TENM4: variants seen among roughly 807,000 people sequenced by gnomAD.
TENM4 encodes teneurin-4.
A neutral mutation model predicts 243.3 loss-of-function variants in TENM4; 82 were observed. The observed-to-expected ratio is 0.34, with a 90% CI of 0.28 to 0.40. The LOEUF is 0.40. Among genes scored for constraint, TENM4 ranks in the 10% least tolerant of loss-of-function variants. The pLI is 1.00. For synonymous variants in TENM4, 1,412 were observed against 1,456.3 expected, an observed-to-expected ratio of 0.97 and a Z score of 0.69; for missense variants, 3,138 against 3,673.3, an observed-to-expected ratio of 0.85 and a Z score of 3.77.
intron 4 of TENM4, among the ~76,000 whole-genome samples, chr11:79,098,577 G>A (rs1861145223): frequency 6.6e-6 from 1 of 152,222 alleles, no homozygotes; most frequent in Admixed American, 6.5e-5. Context: ...TTGCTCCCAT[G>A]ACTCGAGTAA....
intron 1 of TENM4, among the ~76,000 whole-genome samples, chr11:79,298,766 TCTAAGGCC>T (rs1856501998): frequency 6.6e-6 from 1 of 152,164 alleles, no homozygotes; most frequent in Non-Finnish European, 1.5e-5. Flanking sequence ...CGGCGAGCCG[TCTAAGGCC>T]TGATGCTGTA....
chr11:79,158,593 T>C (rs1033185289), intron 3 of TENM4, among the ~76,000 whole-genome samples: 1 of 152,330 alleles, frequency 6.6e-6, no homozygotes, highest in Middle Eastern at 3.4e-3. Flanking sequence ...CATGAAGGAA[T>C]GGGGAAGGTG....
At chr11:79,252,346 T>G (rs1392047859) in intron 2 of TENM4, among the ~76,000 whole-genome samples, 2 of 152,244 alleles carry the variant, frequency 1.3e-5, no homozygotes, top group Non-Finnish European at 2.9e-5. Flanking sequence ...GCCATTCTCC[T>G]GCTTCAGCCT....
intron 1 of TENM4, among the ~76,000 whole-genome samples, chr11:79,368,485 G>A (rs1454309277): frequency 6.6e-6 from 1 of 152,224 alleles, no homozygotes; most frequent in Non-Finnish European, 1.5e-5. Context: ...ATTTATATCA[G>A]TATGAGATGG....
At chr11:79,349,953 G>C (rs147927609) in intron 1 of TENM4, among the ~76,000 whole-genome samples, 1 of 152,250 alleles carries the variant, frequency 6.6e-6, no homozygotes, top group South Asian at 2.1e-4. Flanking sequence ...ACCGGAGGAC[G>C]AGGAGAGTGC....
At chr11:78,818,565 T>C (rs1161618760) in intron 12 of TENM4, among the ~76,000 whole-genome samples, 1 of 152,258 alleles carries the variant, frequency 6.6e-6, no homozygotes, top group Non-Finnish European at 1.5e-5. Context: ...TGCTTATGTA[T>C]ATATTTTTCT....
chr11:78,718,711 T>C (rs1262608325), intron 25 of TENM4, among the ~76,000 whole-genome samples: 2 of 152,196 alleles, frequency 1.3e-5, no homozygotes, highest in African/African-American at 4.8e-5. Flanking sequence ...TTCAGTATCA[T>C]CCATACAAAT....
chr11:78,797,059 C>T (rs946585665), intron 15 of TENM4, among the ~76,000 whole-genome samples: 1 of 152,240 alleles, frequency 6.6e-6, no homozygotes, highest in African/African-American at 2.4e-5. Flanking sequence ...CTATCCAAAA[C>T]CTGATACCTG....
At chr11:78,942,136 G>T (rs370147934) in intron 6 of TENM4, among the ~76,000 whole-genome samples, 1 of 150,622 alleles carries the variant, frequency 6.6e-6, no homozygotes, top group African/African-American at 2.4e-5. Context: ...ATCACTTCTG[G>T]GTGTGGTGGC....
rs1225022992 is a variant in TENM4 at position 78,657,826 on chromosome 11, A to G, written c.*232T>C. On this transcript the variant is annotated 3_prime_UTR_variant, in exon 34 of 34. Transcript: ENST00000278550. Reference sequence around the variant, plus strand: ...GGGAACAAAAGACAATAAAGTTTTCATTGTGATCACACTACAGAAAAAAAT... The same window carrying G: ...GGGAACAAAAGACAATAAAGTTTTCGTTGTGATCACACTACAGAAAAAAAT... The G allele has an allele frequency of 2.9e-5, 18 of 626,624 alleles. No homozygotes were observed. In the East Asian group the frequency reaches 5.1e-4, roughly 18 times the overall value. The allele number at this position is 626,624 out of a possible 1,614,324, so 38.8% of individuals were successfully genotyped here. A position where few individuals can be genotyped will look rare whatever the true frequency, so the allele number is the denominator to read the frequency against.
chr11:79,430,962 GA>G, intron 1 of TENM4, among the ~76,000 whole-genome samples: 1 of 152,340 alleles, frequency 6.6e-6, no homozygotes, highest in African/African-American at 2.4e-5. Context: ...AGAAAAAACA[GA>G]TTAGGAGCAG....
At chr11:78,723,064 C>G (rs1291871379) in intron 23 of TENM4, 147 bp from the exon 24 acceptor site, 3 of 1,106,080 alleles carry the variant, frequency 2.7e-6, no homozygotes, top group Non-Finnish European at 3.8e-6. Context: ...TTGCCTCACC[C>G]CCCCAATGGA....
intron 2 of TENM4, among the ~76,000 whole-genome samples, chr11:79,272,155 A>G (rs770486318): frequency 3.3e-5 from 5 of 152,112 alleles, no homozygotes; most frequent in Non-Finnish European, 7.4e-5. Flanking sequence ...GAGGGACTCA[A>G]CCAGTCCTGG....
chr11:78,796,225 GGA>G lies in TENM4; in HGVS notation c.2179+9065_2179+9066del, dbSNP rs1487765110. ...TAAGCCACTGCTATTCCTCTTAATT[GGA>G]GAGTATCTGGCTTCCTGATTAGAGG... is the stretch of plus-strand genomic sequence containing the variant. On this transcript the variant is annotated intron_variant, in intron 15 of 33. Coordinates refer to ENST00000278550, the MANE Select transcript of TENM4 (RefSeq NM_001098816.3). 7.9e-5 allele frequency among the ~76,000 whole-genome samples: 12 copies of G among 152,236 alleles called. No individual in the cohort carries two copies. The East Asian group carries it at 2.3e-3, about 29-fold the overall frequency.
intron 7 of TENM4, among the ~76,000 whole-genome samples, chr11:78,902,944 C>G (rs1855964786): frequency 6.6e-6 from 1 of 152,222 alleles, no homozygotes; most frequent in South Asian, 2.1e-4. Context: ...TAGCTCTCAT[C>G]TCCTTTAACA....
At chr11:79,174,449 G>T (rs1863116209) in intron 3 of TENM4, among the ~76,000 whole-genome samples, 1 of 151,964 alleles carries the variant, frequency 6.6e-6, no homozygotes, top group Non-Finnish European at 1.5e-5. Context: ...GATTTAAAAT[G>T]AAAAAATCGA....
In TENM4 at chr11:79,279,143, G is replaced by A. The variant is rs75793805; in HGVS notation, c.-265+18345C>T. 3.4e-3 allele frequency among the ~76,000 whole-genome samples: 522 copies of A among 152,286 alleles called. 20 individuals are homozygous for A. In the East Asian group the frequency reaches 0.092, roughly 27 times the overall value. On this transcript the variant is annotated intron_variant, in intron 2 of 33. Coordinates refer to ENST00000278550, the MANE Select transcript of TENM4 (RefSeq NM_001098816.3). ...TACAAGCTGAAAGTTTACCACATTA[G>A]GGACTCCTTGGCTGAGCACCAGCTG...
chr11:79,188,245 G>T (rs550844437), intron 3 of TENM4, among the ~76,000 whole-genome samples: 3 of 152,188 alleles, frequency 2.0e-5, no homozygotes, highest in Non-Finnish European at 4.4e-5. Context: ...ACAAGAAACC[G>T]AAGACTAGGA....
At chr11:78,852,471 G>A (rs1453073894) in intron 12 of TENM4, among the ~76,000 whole-genome samples, 1 of 152,126 alleles carries the variant, frequency 6.6e-6, no homozygotes, top group African/African-American at 2.4e-5. Flanking sequence ...GCTCACTTGA[G>A]CCCAAGAGTT....
Sources: allele counts gnomAD v4.1 joint callset (sites outside exome capture counted in the v4.1 genomes callset), GRCh38; gene constraint gnomAD v4.1.1; transcripts MANE v1.5; gene names NCBI Gene and HGNC (gene_info 2026-07-23, HGNC 2026-07-21).